GALNT9: variants seen among roughly 807,000 people sequenced by gnomAD.
GALNT9 encodes GalNAc transferase 9.
A neutral mutation model predicts 63.1 loss-of-function variants in GALNT9; 47 were observed. That is an observed-to-expected ratio of 0.75 (90% confidence interval 0.59 to 0.95). GALNT9 has a LOEUF of 0.95. Among genes scored for constraint, GALNT9 ranks in the 40% least tolerant of loss-of-function variants. The pLI is 0.00. For missense variants in GALNT9, 829 were observed against 874.8 expected, an observed-to-expected ratio of 0.95 and a Z score of 0.66; for synonymous variants, 396 against 365.7, an observed-to-expected ratio of 1.08 and a Z score of -0.94.
chr12:132,303,083 C>G (rs1031648457), intron 1 of GALNT9, among the ~76,000 whole-genome samples: 3 of 152,010 alleles, frequency 2.0e-5, no homozygotes, highest in South Asian at 2.1e-4. Flanking sequence ...GTCTGTCTCT[C>G]TCTCGGGAAA....
At chr12:132,320,623 C>T (rs1307951161) in intron 1 of GALNT9, among the ~76,000 whole-genome samples, 4 of 29,872 alleles carry the variant, frequency 1.3e-4, no homozygotes, top group African/African-American at 1.4e-4. Context: ...TAGCAAAGCC[C>T]GTGTGCCTGG....
rs1301616499 is a variant in GALNT9, at chr12:132,279,865, A to G, written c.419+6385T>C. 3 of 152,050 alleles carry G rather than the reference A, an allele frequency of 2.0e-5. No individual in the cohort carries two copies. The highest frequency in any genetic ancestry group is 1.3e-4 in the Admixed American group (2 of 15,262). The allele number at this position is 152,050 out of a possible 1,614,324, so 9.4% of individuals were successfully genotyped here. A position where few individuals can be genotyped will look rare whatever the true frequency, so the allele number is the denominator to read the frequency against. ...TCCTGGATCCAATTCCTGGATGCCC[A>G]GTGTCCGCCAGGTCTCCTGGATTCA... On this transcript the variant is annotated intron_variant, in intron 2 of 10. Coordinates refer to ENST00000328957, the MANE Select transcript of GALNT9 (RefSeq NM_001122636.2). The surrounding 1 kb of genome is among the most constrained non-coding windows in gnomAD (Gnocchi z 4.1).
At chr12:132,317,506 T>C (rs1868571432) in intron 1 of GALNT9, among the ~76,000 whole-genome samples, 1 of 152,266 alleles carries the variant, frequency 6.6e-6, no homozygotes, top group African/African-American at 2.4e-5. Flanking sequence ...CTGCGGTTTT[T>C]ATGAATTCCA....
In GALNT9 at chr12:132,236,553, TTCTTTCCTTTCTTCTA is replaced by T. The variant is rs1555236351; in HGVS notation, c.1077+11341_1077+11356del. 6.6e-6 allele frequency among the ~76,000 whole-genome samples: 1 copy of T among 152,112 alleles called. No homozygotes were observed. Among genetic ancestry groups the T allele is most frequent in the Non-Finnish European group, 1.5e-5 (1 of 67,994 alleles). On this transcript the variant is annotated intron_variant, in intron 6 of 10. Coordinates refer to ENST00000328957, the MANE Select transcript of GALNT9 (RefSeq NM_001122636.2). This position sits in a 1 kb window ranked among gnomAD's most constrained non-coding sequence, Gnocchi z 5.6. ...CCTTTCCCCTTCCTTCCTTCCCACCTTCTTTCCTTTCTTCTATCTTTCCTTTCAAGCTCCAAACTTG... is the reference window on the plus strand; with the variant it reads ...CCTTTCCCCTTCCTTCCTTCCCACCTTCTTTCCTTTCAAGCTCCAAACTTG...
chr12:132,250,097 C>T (rs1391820925), intron 5 of GALNT9, among the ~76,000 whole-genome samples: 6 of 152,332 alleles, frequency 3.9e-5, no homozygotes, highest in African/African-American at 1.4e-4. Flanking sequence ...GGCTGTGGAC[C>T]GCAATTCTGC....
At position 132,265,799 on chromosome 12, in the gene GALNT9, A is replaced by C. The variant is rs1480574462; in HGVS notation, c.420-3174T>G. ...GAGGGGCCAGGGGCTTCTCCAGGAC[A>C]CTGTACACACAGTTACACTCCAAGT... is the stretch of plus-strand genomic sequence containing the variant. On this transcript the variant is annotated intron_variant, in intron 2 of 10. Transcript: ENST00000328957. This position sits in a 1 kb window ranked among gnomAD's most constrained non-coding sequence, Gnocchi z 5.3. Among the ~76,000 whole-genome samples, 3 of 152,234 alleles carry C rather than the reference A, an allele frequency of 2.0e-5. No individual in the cohort carries two copies. The highest frequency in any genetic ancestry group is 4.4e-5 in the Non-Finnish European group (3 of 68,038).
chr12:132,301,761 T>C (rs1427323414), intron 1 of GALNT9, among the ~76,000 whole-genome samples: 1 of 152,216 alleles, frequency 6.6e-6, no homozygotes, highest in Non-Finnish European at 1.5e-5. Flanking sequence ...TTCATGACCC[T>C]GGACAGGGCA....
intron 6 of GALNT9, among the ~76,000 whole-genome samples, chr12:132,244,737 G>A (rs553032882): frequency 2.1e-5 from 1 of 48,726 alleles, no homozygotes; most frequent in Non-Finnish European, 3.9e-5. Flanking sequence ...ATGGGGGGGC[G>A]TGGTGATGGG....
chr12:132,324,732 C>G (rs1226048248), intron 1 of GALNT9, among the ~76,000 whole-genome samples: 1 of 152,160 alleles, frequency 6.6e-6, no homozygotes, highest in Admixed American at 6.5e-5. Flanking sequence ...CTCCCCCCAC[C>G]GCCCCTTTCT....
At chr12:132,228,632 C>G (rs2135525026) in intron 6 of GALNT9, among the ~76,000 whole-genome samples, 1 of 152,248 alleles carries the variant, frequency 6.6e-6, no homozygotes, top group South Asian at 2.1e-4. Flanking sequence ...GATGCTCACA[C>G]AGCCCCCCAG....
chr12:132,302,496 C>T (rs562942403), intron 1 of GALNT9, among the ~76,000 whole-genome samples: 12 of 152,318 alleles, frequency 7.9e-5, no homozygotes, highest in Middle Eastern at 3.4e-3. Context: ...AATTTGTAGC[C>T]GTGCCATTTA....
intron 2 of GALNT9, among the ~76,000 whole-genome samples, chr12:132,267,800 C>CACACACACACACAT (rs138324682): frequency 7.1e-5 from 10 of 140,080 alleles, no homozygotes; most frequent in East Asian, 2.1e-4. Context: ...CGCACTCACA[C>CACACACACACACAT]GCACTCACAC....
chr12:132,328,300 G>A (rs982613859), intron 1 of GALNT9, among the ~76,000 whole-genome samples: 1 of 152,100 alleles, frequency 6.6e-6, no homozygotes, highest in African/African-American at 2.4e-5. Context: ...GGGCTCCCAG[G>A]TGCCACAACT....
At chr12:132,197,306 T>TC in intron 10 of GALNT9, 53 bp from the exon 11 acceptor site, 2 of 1,587,652 alleles carry the variant, frequency 1.3e-6, no homozygotes, top group South Asian at 1.1e-5. Flanking sequence ...TTGTTCCCCC[T>TC]CCCCCCACCT....
intron 6 of GALNT9, chr12:132,205,916 G>GA (rs1032310545): frequency 2.6e-5 from 4 of 152,252 alleles, no homozygotes; most frequent in Non-Finnish European, 5.9e-5. Flanking sequence ...AAGGAGGGGG[G>GA]AAGCACCTCG....
chr12:132,220,025 G>T (rs754829299), intron 6 of GALNT9, among the ~76,000 whole-genome samples: 1 of 152,030 alleles, frequency 6.6e-6, no homozygotes, highest in Non-Finnish European at 1.5e-5. Flanking sequence ...AGGAGGAGAC[G>T]CTCTGAAACT....
At chr12:132,237,365 T>C (rs1555236416) in intron 6 of GALNT9, among the ~76,000 whole-genome samples, 1 of 151,726 alleles carries the variant, frequency 6.6e-6, no homozygotes, top group Non-Finnish European at 1.5e-5. Flanking sequence ...TGCCTACACC[T>C]TCTGACATCT....
intron 1 of GALNT9, among the ~76,000 whole-genome samples, chr12:132,303,799 A>G (rs1351096983): frequency 0.12 from 1,841 of 15,644 alleles, 110 homozygotes; most frequent in African/African-American, 0.2. Flanking sequence ...ACCCTCACCC[A>G]GACACACCCT....
intron 1 of GALNT9, among the ~76,000 whole-genome samples, chr12:132,308,905 C>T (rs1245650209): frequency 1.3e-5 from 2 of 151,584 alleles, no homozygotes; most frequent in Admixed American, 6.6e-5. Context: ...GCCTCACCCA[C>T]GGGGCTCGGG....
Sources: gnomAD v4.1 joint callset for allele counts (sites outside exome capture counted in the v4.1 genomes callset) on GRCh38, gnomAD v4.1.1 for gene constraint, Gnocchi (gnomAD v3.1) non-coding constraint, MANE v1.5 for transcripts, NCBI Gene and HGNC (gene_info 2026-07-23, HGNC 2026-07-21) for gene names.